The following SMG7 variants were observed in gnomAD, a reference collection of about 807,000 sequenced individuals.
The protein encoded by SMG7 is SMG7 nonsense mediated mRNA decay factor, also known as nonsense-mediated mRNA decay factor SMG7.
A neutral mutation model predicts 148.2 loss-of-function variants in SMG7; 34 were observed. The observed-to-expected ratio is 0.23, with a 90% confidence interval of 0.17 to 0.31. The LOEUF is 0.31. Among genes scored for constraint, SMG7 ranks in the 10% least tolerant of loss-of-function variants. SMG7 has a pLI of 1.00. For missense variants in SMG7, 1,114 were observed against 1,408.4 expected (o/e 0.79, Z 3.35); for synonymous variants, 492 against 515.1 (o/e 0.96, Z 0.61).
chr1:183,537,596 C>T (rs1668020491), intron 11 of SMG7, among the ~76,000 whole-genome samples: 1 of 152,174 alleles, frequency 6.6e-6, no homozygotes, highest in African/African-American at 2.4e-5. Context: ...TACAGAGATA[C>T]CTTTTACTAG....
chr1:183,474,488 C>T lies in SMG7; in HGVS notation c.29+1839C>T, dbSNP rs577837928. Among the ~76,000 whole-genome samples the T allele has an allele frequency of 3.3e-5, 5 of 152,254 alleles. No individual in the cohort carries two copies. The South Asian group carries it at 1.0e-3, about 32-fold the overall frequency. On this transcript the variant is annotated intron_variant, in intron 1 of 22. Transcript: ENST00000688051. The stretch of plus-strand genomic sequence containing the variant: ...CTGAGGCAGGAGAATCGCTTGAACC[C>T]GGGAGGCAGAGGTTGCAGTGAGCCG...
At chr1:183,495,260 G>A (rs1449054244) in intron 1 of SMG7, among the ~76,000 whole-genome samples, 2 of 151,988 alleles carry the variant, frequency 1.3e-5, no homozygotes, top group African/African-American at 4.8e-5. Context: ...GAGCTTCTTA[G>A]ATTTATAGGC....
rs372725332 is a variant in SMG7, at chr1:183,526,252, G to A, written c.313-344G>A. ...CAACCTCCGCCTCCTGGGTTCAAGCGATTCTTGTGCCTCAGCCTCCCTTGT... is the reference window on the plus strand; with the variant it reads ...CAACCTCCGCCTCCTGGGTTCAAGCAATTCTTGTGCCTCAGCCTCCCTTGT... On this transcript the variant is annotated intron_variant, in intron 4 of 22. Transcript: ENST00000688051. Among the ~76,000 whole-genome samples the A allele has an allele frequency of 4.0e-5, 6 of 151,174 alleles. No homozygotes were observed. In the East Asian group the frequency reaches 5.8e-4, roughly 15 times the overall value.
intron 6 of SMG7, 51 bp from the exon 7 acceptor site, chr1:183,528,841 A>C: frequency 1.4e-6 from 2 of 1,479,174 alleles, no homozygotes; most frequent in Non-Finnish European, 1.9e-6. Context: ...TTCTTATAGC[A>C]AGACTTTGTC....
intron 1 of SMG7, among the ~76,000 whole-genome samples, chr1:183,511,775 G>A (rs1662211287): frequency 6.6e-6 from 1 of 152,214 alleles, no homozygotes; most frequent in Admixed American, 6.5e-5. Context: ...ACAAAGCCAA[G>A]GGATGGTTCT....
At chr1:183,497,930 G>T (rs1658906025) in intron 1 of SMG7, among the ~76,000 whole-genome samples, 1 of 151,998 alleles carries the variant, frequency 6.6e-6, no homozygotes, top group Non-Finnish European at 1.5e-5. Flanking sequence ...TCAAGAAAAA[G>T]AACTGTCTAG....
At chr1:183,518,492 C>CA (rs1664081613) in intron 4 of SMG7, 1 of 152,028 alleles carries the variant, frequency 6.6e-6, no homozygotes, top group South Asian at 2.1e-4. Context: ...AAGAAATAGT[C>CA]AAAATTTGTA....
At chr1:183,545,838 A>G in intron 16 of SMG7, 128 bp from the exon 17 acceptor site, 2 of 1,068,534 alleles carry the variant, frequency 1.9e-6, no homozygotes, top group Non-Finnish European at 2.7e-6. Context: ...AAGGTAAAGG[A>G]AACTGCTGCC....
Position 183,552,891 on chromosome 1 carries a change from C to T in SMG7, c.*960C>T. ...CCCCATTCTACTTCCCACCCTCCTG[C>T]CCCATCTCCATCCCTTCTTTTACCC... On this transcript the variant is annotated 3_prime_UTR_variant, in exon 23 of 23. Transcript: ENST00000688051. The T allele has an allele frequency of 6.8e-7, 1 of 1,470,230 alleles. No homozygotes were observed. The highest frequency in any genetic ancestry group is 9.0e-7 in the Non-Finnish European group (1 of 1,113,102). 91.1% of individuals were successfully genotyped at this position (1,470,230 alleles called of 1,614,324 possible).
chr1:183,548,077 A>G (rs939743148), intron 18 of SMG7, among the ~76,000 whole-genome samples: 10 of 152,206 alleles, frequency 6.6e-5, no homozygotes, highest in Non-Finnish European at 1.5e-4. Context: ...CAGGGCAAGA[A>G]CACATTCGTA....
intron 13 of SMG7, 124 bp from the exon 14 acceptor site, chr1:183,541,952 G>A: frequency 1.3e-6 from 1 of 789,192 alleles, no homozygotes; most frequent in South Asian, 1.8e-5. Context: ...AATCCACATT[G>A]TTATATCCTG....
chr1:183,490,835 G>T (rs1656776929), intron 1 of SMG7, among the ~76,000 whole-genome samples: 2 of 152,114 alleles, frequency 1.3e-5, no homozygotes, highest in African/African-American at 4.8e-5. Context: ...GCCCAGGTTG[G>T]AGTGCAGTGG....
intron 20 of SMG7, 160 bp downstream of exon 20, chr1:183,550,083 A>G (rs147302559): frequency 2.3e-5 from 14 of 615,566 alleles, no homozygotes; most frequent in African/African-American, 2.3e-4. Context: ...AGAAAAAAAA[A>G]AAGAAGAAGC....
At chr1:183,550,385 T>C (rs1447229725) in intron 20 of SMG7, among the ~76,000 whole-genome samples, 1 of 152,196 alleles carries the variant, frequency 6.6e-6, no homozygotes, top group East Asian at 1.9e-4. Flanking sequence ...CTTTTTAAAA[T>C]TGAGATTTTT....
At position 183,549,893 on chromosome 1, in the gene SMG7, C is replaced by T; in HGVS notation, c.3103C>T (p.Pro1035Ser). 1 of 1,613,786 alleles carries T rather than the reference C, an allele frequency of 6.2e-7. No individual in the cohort carries two copies. The highest frequency in any genetic ancestry group is 8.5e-7 in the Non-Finnish European group (1 of 1,179,720). Residue 1035 changes from proline to serine, a missense_variant, in exon 20 of 23, where the codon CCG (proline) becomes TCG (serine). Physicochemically the swap from Pro to Ser is moderately conservative, Grantham distance 74 (BLOSUM62 -1). Coordinates refer to ENST00000688051, the MANE Select transcript of SMG7 (RefSeq NM_001375584.1). ...TCTGTATTCCCTTTTTGAAGGGACT[C>T]CGTGGTCTCCATCACTTCCTGCCAG... ...TSLYSLFEGT[P>S]WSPSLPASSD...
chr1:183,510,735 A>T (rs1392866915), intron 1 of SMG7, among the ~76,000 whole-genome samples: 3 of 152,102 alleles, frequency 2.0e-5, no homozygotes, highest in African/African-American at 7.2e-5. Flanking sequence ...AAAAAATGGC[A>T]AAAACCATGA....
At chr1:183,536,665 T>C (rs1667847562) in intron 10 of SMG7, among the ~76,000 whole-genome samples, 1 of 152,162 alleles carries the variant, frequency 6.6e-6, no homozygotes, top group Non-Finnish European at 1.5e-5. Context: ...AAATGTGGAC[T>C]TTTTGTACCA....
intron 6 of SMG7, 25 bp downstream of exon 6, chr1:183,528,052 T>A: frequency 6.3e-7 from 1 of 1,577,606 alleles, no homozygotes; most frequent in Non-Finnish European, 8.7e-7. Flanking sequence ...CAACCTGAGA[T>A]TGACCGTGAC....
At chr1:183,513,171 A>G (rs879623514) in intron 2 of SMG7, 9 of 275,538 alleles carry the variant, frequency 3.3e-5, no homozygotes, top group Admixed American at 2.1e-4. Flanking sequence ...TACAGAAAAA[A>G]TAACATACCC....
Sources: allele counts gnomAD v4.1 joint callset (sites outside exome capture counted in the v4.1 genomes callset), GRCh38; gene constraint gnomAD v4.1.1; transcripts MANE v1.5; gene names NCBI Gene and HGNC (gene_info 2026-07-23, HGNC 2026-07-21).